AGPAT4: variants seen among roughly 807,000 people sequenced by gnomAD.
The protein encoded by AGPAT4 is 1-acylglycerol-3-phosphate O-acyltransferase 4.
A neutral mutation model predicts 48.0 loss-of-function variants in AGPAT4; 15 were observed. That is an observed-to-expected ratio of 0.31 (90% CI 0.21 to 0.48). AGPAT4 has a LOEUF of 0.48. Among genes scored for constraint, AGPAT4 ranks in the 20% least tolerant of loss-of-function variants. The pLI, the probability that AGPAT4 is intolerant of heterozygous loss-of-function variation, is 0.99. For synonymous variants in AGPAT4, 178 were observed against 198.7 expected (o/e 0.90, Z 0.88); for missense variants, 314 against 482.5 (o/e 0.65, Z 3.27).
In AGPAT4 at chr6:161,198,449, A is replaced by G. The variant is rs1183638836; in HGVS notation, c.179-32032T>C. Among the ~76,000 whole-genome samples the G allele has an allele frequency of 2.0e-5, 3 of 152,258 alleles. No individual in the cohort carries two copies. The highest frequency in any genetic ancestry group is 4.1e-4 in the South Asian group (2 of 4,834). ...ATCCTACAATGCACAGAACAGCCCC[A>G]TGACAAAGAATGATCCAGTCCCAAG... On this transcript the variant is annotated intron_variant, in intron 2 of 8. Coordinates refer to ENST00000320285, the MANE Select transcript of AGPAT4 (RefSeq NM_020133.3). This position sits in a 1 kb window ranked among gnomAD's most constrained non-coding sequence, Gnocchi z 4.3.
rs751136091 is a variant in AGPAT4, at chr6:161,223,074, G to T, written c.178+8962C>A. Among the ~76,000 whole-genome samples, 13 of 152,068 alleles carry T rather than the reference G, an allele frequency of 8.5e-5. No individual in the cohort carries two copies. The highest frequency in any genetic ancestry group is 2.4e-5 in the African/African-American group (1 of 41,384). Reference sequence around the variant, plus strand: ...GGATGGCTGGGCTGTCCCCTTCCCTGCACTCCCTGTGTACCTCCAGTCTAA... The same window carrying T: ...GGATGGCTGGGCTGTCCCCTTCCCTTCACTCCCTGTGTACCTCCAGTCTAA... On this transcript the variant is annotated intron_variant, in intron 2 of 8. Coordinates refer to ENST00000320285, the MANE Select transcript of AGPAT4 (RefSeq NM_020133.3). This position sits in a 1 kb window ranked among gnomAD's most constrained non-coding sequence, Gnocchi z 6.3.
intron 2 of AGPAT4, among the ~76,000 whole-genome samples, chr6:161,203,446 T>C (rs1369443257): frequency 1.4e-5 from 2 of 142,976 alleles, no homozygotes; most frequent in Non-Finnish European, 3.0e-5. Context: ...TGGAGTGCAA[T>C]GGCGTGATCT....
intron 1 of AGPAT4, among the ~76,000 whole-genome samples, chr6:161,247,605 G>A (rs1253148504): frequency 6.6e-6 from 1 of 152,128 alleles, no homozygotes; most frequent in Non-Finnish European, 1.5e-5. Context: ...ACATCATACT[G>A]AATGGGCAAA....
Position 161,266,721 on chromosome 6 carries a change from GAC to G in AGPAT4, c.-90+7215_-90+7216del, listed in dbSNP as rs915038724. Among the ~76,000 whole-genome samples the G allele has an allele frequency of 1.3e-5, 2 of 152,206 alleles. No individual in the cohort carries two copies. The highest frequency in any genetic ancestry group is 4.8e-5 in the African/African-American group (2 of 41,436). On this transcript the variant is annotated intron_variant, in intron 1 of 8. Transcript: ENST00000320285. This position sits in a 1 kb window ranked among gnomAD's most constrained non-coding sequence, Gnocchi z 6.2. ...CTGATGACTTACTCCTGGGACGCAGGACACAGTCTGAGATGATTGCATTGATT... is the reference window on the plus strand; with the variant it reads ...CTGATGACTTACTCCTGGGACGCAGGACAGTCTGAGATGATTGCATTGATT...
chr6:161,228,661 T>TAA lies in AGPAT4; in HGVS notation c.178+3373_178+3374dup, dbSNP rs375011382. On this transcript the variant is annotated intron_variant, in intron 2 of 8. Transcript: ENST00000320285. The stretch of plus-strand genomic sequence containing the variant: ...TTTGAAACCCACAATGTCAGAGAGG[T>TAA]AAAAAAAAAAAAAAAAGCCAGTCTT... 1.6e-3 allele frequency among the ~76,000 whole-genome samples: 132 copies of TAA among 84,112 alleles called. 5 individuals are homozygous for TAA. The highest frequency in any genetic ancestry group is 3.4e-3 in the African/African-American group (61 of 17,892). 55.2% of individuals were successfully genotyped at this position (84,112 alleles called of 152,430 possible). A position where few individuals can be genotyped will look rare whatever the true frequency, so the allele number is the denominator to read the frequency against.
rs139987601 is a variant in AGPAT4 at position 161,166,889 on chromosome 6, C to T, written c.179-472G>A. On this transcript the variant is annotated intron_variant, in intron 2 of 8. Coordinates refer to ENST00000320285, the MANE Select transcript of AGPAT4 (RefSeq NM_020133.3). The surrounding 1 kb of genome is among the most constrained non-coding windows in gnomAD (Gnocchi z 6.7). The stretch of plus-strand genomic sequence containing the variant: ...TTGAGGGCAGGGGAAGAATGGAGAA[C>T]GGCAGATCCAGCCGCAGGAGCCCCA... Among the ~76,000 whole-genome samples, 181 of 152,274 alleles carry T rather than the reference C, an allele frequency of 1.2e-3. No individual in the cohort carries two copies. The highest frequency in any genetic ancestry group is 4.1e-3 in the African/African-American group (172 of 41,564).
In AGPAT4 at chr6:161,200,221, C is replaced by T. The variant is rs529301979; in HGVS notation, c.178+31815G>A. ...AAAAATGTCAAATTGTACATCACTT[C>T]TATGAGAAAATCACAGCAGAATAAT... On this transcript the variant is annotated intron_variant, in intron 2 of 8. Transcript: ENST00000320285. The surrounding 1 kb of genome is among the most constrained non-coding windows in gnomAD (Gnocchi z 5.5). 3.3e-5 allele frequency among the ~76,000 whole-genome samples: 5 copies of T among 152,366 alleles called. No homozygotes were observed. The South Asian group carries it at 1.0e-3, about 32-fold the overall frequency.
At chr6:161,205,165 A>G (rs1161385689) in intron 2 of AGPAT4, among the ~76,000 whole-genome samples, 1 of 152,144 alleles carries the variant, frequency 6.6e-6, no homozygotes, top group Non-Finnish European at 1.5e-5. Flanking sequence ...TAAAATGTGT[A>G]TCTTCCGCCT....
In AGPAT4 at chr6:161,229,982, T is replaced by C. The variant is rs1042377639; in HGVS notation, c.178+2054A>G. Among the ~76,000 whole-genome samples, 14 of 152,182 alleles carry C rather than the reference T, an allele frequency of 9.2e-5. No individual in the cohort carries two copies. Among genetic ancestry groups the C allele is most frequent in the African/African-American group, 3.1e-4 (13 of 41,450 alleles). ...TACCTACCCTTCATTGCACCCGGCATTGAGATGCCAGTTGTCTTAGATGGT... is the reference window on the plus strand; with the variant it reads ...TACCTACCCTTCATTGCACCCGGCACTGAGATGCCAGTTGTCTTAGATGGT... On this transcript the variant is annotated intron_variant, in intron 2 of 8. Transcript: ENST00000320285. This position sits in a 1 kb window ranked among gnomAD's most constrained non-coding sequence, Gnocchi z 6.0.
Position 161,154,361 on chromosome 6 carries a change from C to T in AGPAT4, c.349-51G>A. On this transcript the variant is annotated intron_variant, in intron 3 of 8. Coordinates refer to ENST00000320285, the MANE Select transcript of AGPAT4 (RefSeq NM_020133.3). This position sits in a 1 kb window ranked among gnomAD's most constrained non-coding sequence, Gnocchi z 7.8. Reference sequence around the variant, plus strand: ...GCCCATGAAGGAGACGTCAGAGCCACCTGCCGGGGCTGTTGGAGACTGAAG... The same window carrying T: ...GCCCATGAAGGAGACGTCAGAGCCATCTGCCGGGGCTGTTGGAGACTGAAG... The T allele has an allele frequency of 6.2e-7, 1 of 1,607,432 alleles. No homozygotes were observed. The highest frequency in any genetic ancestry group is 8.5e-7 in the Non-Finnish European group (1 of 1,176,352).
In AGPAT4 at chr6:161,266,499, TG is replaced by T. The variant is rs1783267974; in HGVS notation, c.-90+7438del. Reference sequence around the variant, plus strand: ...TAATTATGCATCTAGAAAGAGTGACTGTTTTATGAAGGGTGAATGGGGTGAT... The same window carrying T: ...TAATTATGCATCTAGAAAGAGTGACTTTTTATGAAGGGTGAATGGGGTGAT... On this transcript the variant is annotated intron_variant, in intron 1 of 8. Coordinates refer to ENST00000320285, the MANE Select transcript of AGPAT4 (RefSeq NM_020133.3). The surrounding 1 kb of genome is among the most constrained non-coding windows in gnomAD (Gnocchi z 6.2). Among the ~76,000 whole-genome samples the T allele has an allele frequency of 6.6e-6, 1 of 152,178 alleles. No homozygotes were observed. The highest frequency in any genetic ancestry group is 2.4e-5 in the African/African-American group (1 of 41,440).
chr6:161,166,044 G>A lies in AGPAT4; in HGVS notation c.348+204C>T, dbSNP rs972258353. 10 of 672,862 alleles carry A rather than the reference G, an allele frequency of 1.5e-5. No homozygotes were observed. In the African/African-American group the frequency reaches 1.8e-4, roughly 12 times the overall value. The allele number at this position is 672,862 out of a possible 1,614,324, so 41.7% of individuals were successfully genotyped here. ...GTAAAATGGCCGGCAGGTAGCAATT[G>A]TTGAGTACCTCTTATGATTGCCCAT... On this transcript the variant is annotated intron_variant, in intron 3 of 8. Coordinates refer to ENST00000320285, the MANE Select transcript of AGPAT4 (RefSeq NM_020133.3). This position sits in a 1 kb window ranked among gnomAD's most constrained non-coding sequence, Gnocchi z 6.7.
At chr6:161,145,242 T>C (rs1379612451) in intron 7 of AGPAT4, among the ~76,000 whole-genome samples, 1 of 151,664 alleles carries the variant, frequency 6.6e-6, no homozygotes, top group Non-Finnish European at 1.5e-5. Context: ...TACACATTTC[T>C]AGGTTCTACC....
Position 161,261,890 on chromosome 6 carries a change from C to T in AGPAT4, c.-90+12048G>A, listed in dbSNP as rs746126582. 1.3e-5 allele frequency among the ~76,000 whole-genome samples: 2 copies of T among 152,160 alleles called. No individual in the cohort carries two copies. The highest frequency in any genetic ancestry group is 4.8e-5 in the African/African-American group (2 of 41,422). ...ATTGACCTTCACACCTGGGTAGGGGCTCCTGGGCCAGAGACCCAGTTTGCC... is the reference window on the plus strand; with the variant it reads ...ATTGACCTTCACACCTGGGTAGGGGTTCCTGGGCCAGAGACCCAGTTTGCC... On this transcript the variant is annotated intron_variant, in intron 1 of 8. Transcript: ENST00000320285. This position sits in a 1 kb window ranked among gnomAD's most constrained non-coding sequence, Gnocchi z 5.3.
At position 161,236,614 on chromosome 6, in the gene AGPAT4, A is replaced by T. The variant is rs1782284260; in HGVS notation, c.-89-4312T>A. Among the ~76,000 whole-genome samples, 1 of 152,066 alleles carries T rather than the reference A, an allele frequency of 6.6e-6. No individual in the cohort carries two copies. Among genetic ancestry groups the T allele is most frequent in the South Asian group, 2.1e-4 (1 of 4,824 alleles). On this transcript the variant is annotated intron_variant, in intron 1 of 8. Transcript: ENST00000320285. This position sits in a 1 kb window ranked among gnomAD's most constrained non-coding sequence, Gnocchi z 5.0. ...GATGAGGGCTTAAAGCAGTAAAAGGAAAGGGGAGGCCGGGAGCAGTGGCTC... is the reference window on the plus strand; with the variant it reads ...GATGAGGGCTTAAAGCAGTAAAAGGTAAGGGGAGGCCGGGAGCAGTGGCTC...
At chr6:161,162,625 C>T (rs1016100526) in intron 3 of AGPAT4, among the ~76,000 whole-genome samples, 6 of 152,350 alleles carry the variant, frequency 3.9e-5, no homozygotes, top group East Asian at 1.9e-4. Flanking sequence ...CTTTATGACA[C>T]GCTTGTTGTT....
chr6:161,137,528 C>T lies in AGPAT4; in HGVS notation c.1043-894G>A, dbSNP rs542934652. Among the ~76,000 whole-genome samples the T allele has an allele frequency of 1.3e-5, 2 of 152,200 alleles. No homozygotes were observed. The highest frequency in any genetic ancestry group is 4.8e-5 in the African/African-American group (2 of 41,448). On this transcript the variant is annotated intron_variant, in intron 8 of 8. Coordinates refer to ENST00000320285, the MANE Select transcript of AGPAT4 (RefSeq NM_020133.3). This position sits in a 1 kb window ranked among gnomAD's most constrained non-coding sequence, Gnocchi z 6.1. ...CAGGAGGCACGCATCTCCCATGGGT[C>T]ATTTACAAACTGGAGGGCTCCTGCA...
At position 161,178,748 on chromosome 6, in the gene AGPAT4, C is replaced by G. The variant is rs373133826; in HGVS notation, c.179-12331G>C. 6.3e-4 allele frequency among the ~76,000 whole-genome samples: 96 copies of G among 152,328 alleles called. No homozygotes were observed. Among genetic ancestry groups the G allele is most frequent in the African/African-American group, 2.0e-3 (84 of 41,586 alleles). ...GTAGACTGGAGCTGTTCCTATTCGGCCATCTTGCCATGGTTGATCACTTTT... is the reference window on the plus strand; with the variant it reads ...GTAGACTGGAGCTGTTCCTATTCGGGCATCTTGCCATGGTTGATCACTTTT... On this transcript the variant is annotated intron_variant, in intron 2 of 8. Coordinates refer to ENST00000320285, the MANE Select transcript of AGPAT4 (RefSeq NM_020133.3). This position sits in a 1 kb window ranked among gnomAD's most constrained non-coding sequence, Gnocchi z 5.1.
Position 161,137,444 on chromosome 6 carries a change from G to A in AGPAT4, c.1043-810C>T, listed in dbSNP as rs1192630513. Among the ~76,000 whole-genome samples the A allele has an allele frequency of 1.3e-5, 2 of 152,166 alleles. No homozygotes were observed. Among genetic ancestry groups the A allele is most frequent in the Non-Finnish European group, 2.9e-5 (2 of 68,026 alleles). ...ATTATCTAGCATTAGCATCGCGGTC[G>A]ATAAACTAACTGGGACATGGATGCA... On this transcript the variant is annotated intron_variant, in intron 8 of 8. Coordinates refer to ENST00000320285, the MANE Select transcript of AGPAT4 (RefSeq NM_020133.3). This position sits in a 1 kb window ranked among gnomAD's most constrained non-coding sequence, Gnocchi z 6.1.
Sources: allele counts gnomAD v4.1 joint callset (sites outside exome capture counted in the v4.1 genomes callset), GRCh38; gene constraint gnomAD v4.1.1; non-coding constraint Gnocchi (gnomAD v3.1); transcripts MANE v1.5; gene names NCBI Gene and HGNC (gene_info 2026-07-23, HGNC 2026-07-21).